ZFP1: variants seen among roughly 807,000 people sequenced by gnomAD.
ZFP1 encodes zinc finger protein 1 homolog.
A neutral mutation model predicts 38.5 loss-of-function variants in ZFP1; 32 were observed. The observed-to-expected ratio is 0.83, with a 90% confidence interval of 0.63 to 1.12. The LOEUF (loss-of-function observed/expected upper bound fraction) is 1.12, where lower values mean the gene tolerates loss of function less well. ZFP1 is among the 50% of genes most tolerant of loss of function. The pLI, the probability that ZFP1 is intolerant of heterozygous loss-of-function variation, is 0.00. For missense variants in ZFP1, 616 were observed against 480.8 expected, an observed-to-expected ratio of 1.28 and a Z score of -2.63; for synonymous variants, 245 against 168.8, an observed-to-expected ratio of 1.45 and a Z score of -3.50.
At chr16:75,137,461 C>CTTTTTTTTT in the ZFP1 span, among the ~76,000 whole-genome samples, 14 of 89,414 alleles carry the variant, frequency 1.6e-4, no homozygotes, top group Non-Finnish European at 2.4e-4. Flanking sequence ...AAAAAAAATT[C>CTTTTTTTTT]TTTTTTTTTT....
At chr16:75,146,485 C>T (rs775567987), upstream of ZFP1, among the ~76,000 whole-genome samples, 2 of 152,134 alleles carry the variant, frequency 1.3e-5, no homozygotes, top group Non-Finnish European at 2.9e-5. Context: ...ACGATTTACC[C>T]AAATGAACTG....
chr16:75,134,028 G>A, the ZFP1 span, among the ~76,000 whole-genome samples: 16 of 152,238 alleles, frequency 1.1e-4, no homozygotes, highest in South Asian at 2.1e-4. Context: ...CAGCCTGGGC[G>A]ATAGAGCAAG....
At chr16:75,150,465 T>C (rs948698746) in intron 1 of ZFP1, among the ~76,000 whole-genome samples, 1 of 152,000 alleles carries the variant, frequency 6.6e-6, no homozygotes, top group Non-Finnish European at 1.5e-5. Flanking sequence ...GTGATCCACC[T>C]GCCTCGGCCT....
chr16:75,158,072 A>G (rs186133345), intron 2 of ZFP1, among the ~76,000 whole-genome samples: 60 of 151,692 alleles, frequency 4.0e-4, no homozygotes, highest in African/African-American at 1.4e-3. Flanking sequence ...ACAAATGTGA[A>G]CCACCATGCC....
In ZFP1 at chr16:75,171,380, ACC is replaced by A. The variant is rs2038425887; in HGVS notation, c.*1050_*1051del. 1 of 152,136 alleles carries A rather than the reference ACC, an allele frequency of 6.6e-6. No homozygotes were observed. Among genetic ancestry groups the A allele is most frequent in the Non-Finnish European group, 1.5e-5 (1 of 68,038 alleles). The allele number at this position is 152,136 out of a possible 1,614,324, so 9.4% of individuals were successfully genotyped here. A position where few individuals can be genotyped will look rare whatever the true frequency, so the allele number is the denominator to read the frequency against. On this transcript the variant is annotated 3_prime_UTR_variant, in exon 4 of 4. Coordinates refer to ENST00000570010, the MANE Select transcript of ZFP1 (RefSeq NM_153688.4). ...GCTTTTTAAATTTTTCACGTGCATA[ACC>A]CCCTTTAGAAGTAAATTTTTACACT...
Position 75,169,446 on chromosome 16 carries a change from T to A in ZFP1, c.336T>A (p.Thr112=), listed in dbSNP as rs746766721. ...VPYKYDLYEK[T]LKYNSDLLNS... Reference sequence around the variant, plus strand: ...ATAAATATGACTTATATGAAAAAACTTTGAAATATAATTCAGACTTGCTTA... The same window carrying A: ...ATAAATATGACTTATATGAAAAAACATTGAAATATAATTCAGACTTGCTTA... Residue 112 remains threonine, a synonymous_variant, in exon 4 of 4, where the codon ACT becomes ACA. Transcript: ENST00000570010. 1 of 1,612,810 alleles carries A rather than the reference T, an allele frequency of 6.2e-7. No homozygotes were observed. Among genetic ancestry groups the A allele is most frequent in the South Asian group, 1.1e-5 (1 of 90,836 alleles).
the ZFP1 span, among the ~76,000 whole-genome samples, chr16:75,137,948 A>C: frequency 6.6e-6 from 1 of 151,692 alleles, no homozygotes; most frequent in Non-Finnish European, 1.5e-5. Flanking sequence ...AAAAGAGACA[A>C]GCCTCACCTG....
chr16:75,126,829 T>C, the ZFP1 span, among the ~76,000 whole-genome samples: 1 of 152,236 alleles, frequency 6.6e-6, no homozygotes, highest in Admixed American at 6.5e-5. Flanking sequence ...ACCTAACTAG[T>C]CTTTTAAAAT....
the ZFP1 span, among the ~76,000 whole-genome samples, chr16:75,141,929 C>T: frequency 6.6e-6 from 1 of 151,550 alleles, no homozygotes; most frequent in African/African-American, 2.4e-5. Context: ...TGGTGGGCGC[C>T]TGTAATCCCA....
the ZFP1 span, among the ~76,000 whole-genome samples, chr16:75,141,427 G>A: frequency 2.6e-5 from 4 of 151,588 alleles, no homozygotes; most frequent in Non-Finnish European, 2.9e-5. Context: ...GGATGGTCTC[G>A]ATCTCCTGAA....
the ZFP1 span, among the ~76,000 whole-genome samples, chr16:75,140,775 C>T: frequency 3.8e-3 from 571 of 152,182 alleles, 12 homozygotes; most frequent in Admixed American, 0.035. Flanking sequence ...CTGGCTAACG[C>T]GGTGAAACCC....
At chr16:75,140,087 G>C in the ZFP1 span, among the ~76,000 whole-genome samples, 14 of 152,208 alleles carry the variant, frequency 9.2e-5, no homozygotes, top group Admixed American at 2.6e-4. Flanking sequence ...TGACCAACGT[G>C]GAGAAACCCC....
At chr16:75,137,762 G>T in the ZFP1 span, among the ~76,000 whole-genome samples, 5 of 151,812 alleles carry the variant, frequency 3.3e-5, no homozygotes, top group Admixed American at 2.0e-4. Context: ...CAACACGCCC[G>T]GCCCCAAAAT....
intron 1 of ZFP1, among the ~76,000 whole-genome samples, chr16:75,149,802 C>G (rs1180544330): frequency 2.0e-5 from 3 of 151,306 alleles, no homozygotes; most frequent in Non-Finnish European, 4.4e-5. Context: ...CTTGTATTTT[C>G]TTTTCTGTTG....
intron 2 of ZFP1, among the ~76,000 whole-genome samples, chr16:75,166,052 A>AC (rs1368789547): frequency 2.0e-5 from 3 of 152,184 alleles, no homozygotes; most frequent in African/African-American, 7.2e-5. Flanking sequence ...GGATGGAAGG[A>AC]CAGAGATCCT....
intron 1 of ZFP1, among the ~76,000 whole-genome samples, chr16:75,151,159 C>T (rs766948667): frequency 5.9e-5 from 9 of 152,048 alleles, no homozygotes; most frequent in Non-Finnish European, 1.0e-4. Flanking sequence ...GTGCCTGACC[C>T]TCTTTTTCCA....
In ZFP1 at chr16:75,169,945, CA is replaced by C. The variant is rs2038331302; in HGVS notation, c.839del (p.Lys280SerfsTer64). ...CAGTGAATGTGGAAAGACATTTGCC[CA>C]AAAGTTTGAACTCACCACACACCAG... Reference protein sequence around the residue: ...ECSECGKTFAQKFELTTHQRI... With the variant: ...ECSECGKTFAXKFELTTHQRI... On this transcript the variant is annotated frameshift_variant, in exon 4 of 4. Transcript: ENST00000570010. LOFTEE classifies it high-confidence loss of function. 6.2e-6 allele frequency: 10 copies of C among 1,614,144 alleles called. No homozygotes were observed. The highest frequency in any genetic ancestry group is 8.5e-6 in the Non-Finnish European group (10 of 1,180,018).
the ZFP1 span, among the ~76,000 whole-genome samples, chr16:75,124,678 T>C: frequency 6.7e-6 from 1 of 149,262 alleles, no homozygotes; most frequent in Non-Finnish European, 1.5e-5. Flanking sequence ...TCCCATCTAC[T>C]TGGGAGGCTG....
chr16:75,136,901 C>A, the ZFP1 span, among the ~76,000 whole-genome samples: 4 of 151,782 alleles, frequency 2.6e-5, no homozygotes, highest in African/African-American at 7.3e-5. Flanking sequence ...AAAAAAGGAC[C>A]CTGTTTGTAG....
Sources: allele counts gnomAD v4.1 joint callset (sites outside exome capture counted in the v4.1 genomes callset), GRCh38; gene constraint gnomAD v4.1.1; transcripts MANE v1.5; gene names NCBI Gene and HGNC (gene_info 2026-07-23, HGNC 2026-07-21).